Variants in GSTCD observed in about 807,000 individuals in gnomAD.
GSTCD encodes glutathione S-transferase C-terminal domain containing.
GSTCD carries 44 observed loss-of-function variants against 68.3 expected under a neutral mutation model. The ratio of observed to expected loss-of-function variants is 0.64; its 90% CI spans 0.51 to 0.83. The LOEUF (loss-of-function observed/expected upper bound fraction) is 0.83, where lower values mean the gene tolerates loss of function less well. GSTCD is among the 40% of genes least tolerant of loss of function. The pLI, the probability that GSTCD is intolerant of heterozygous loss-of-function variation, is 0.00. For synonymous variants in GSTCD, 273 were observed against 255.2 expected, an observed-to-expected ratio of 1.07 and a Z score of -0.67; for missense variants, 739 against 735.9, an observed-to-expected ratio of 1.00 and a Z score of -0.05.
intron 5 of GSTCD, among the ~76,000 whole-genome samples, chr4:105,798,842 A>G (rs1485594355): frequency 2.0e-5 from 3 of 152,208 alleles, no homozygotes; most frequent in African/African-American, 7.2e-5. Flanking sequence ...CTCCAGCTGT[A>G]TGAGTCCCTA....
intron 5 of GSTCD, among the ~76,000 whole-genome samples, chr4:105,814,695 G>A (rs6812579): frequency 0.029 from 4,412 of 152,162 alleles, 187 homozygotes; most frequent in African/African-American, 0.092. Context: ...AGACCTATGC[G>A]GATATCAATA....
Position 105,709,018 on chromosome 4 carries a change from T to TA in GSTCD, c.-22+5dup, listed in dbSNP as rs1266448149. On this transcript the variant is annotated splice_region_variant and intron_variant, in intron 1 of 11. Transcript: ENST00000515279. ...GCCTGGCCGCGCCTCTGCGACCAGG[T>TA]AAAGAGGGCGCTCGGGCCGCCGGCT... is the stretch of plus-strand genomic sequence containing the variant. 1 of 152,492 alleles carries TA rather than the reference T, an allele frequency of 6.6e-6. No individual in the cohort carries two copies. The highest frequency in any genetic ancestry group is 2.4e-5 in the African/African-American group (1 of 41,374). The allele number at this position is 152,492 out of a possible 1,614,324, so 9.4% of individuals were successfully genotyped here.
rs1724581086 is a variant in GSTCD at position 105,847,173 on chromosome 4, C to A, written c.*1596C>A. 6.6e-6 allele frequency: 1 copy of A among 152,010 alleles called. No homozygotes were observed. The highest frequency in any genetic ancestry group is 6.6e-5 in the Admixed American group (1 of 15,240). The allele number at this position is 152,010 out of a possible 1,614,324, so 9.4% of individuals were successfully genotyped here. ...GCTAATTCTTTAAATTTTACATGTC[C>A]CAATTTATTCCATTTGAGATTTATT... On this transcript the variant is annotated 3_prime_UTR_variant, in exon 12 of 12. Coordinates refer to ENST00000515279, the MANE Select transcript of GSTCD (RefSeq NM_001370181.1).
chr4:105,727,883 T>C (rs750492206), intron 4 of GSTCD, among the ~76,000 whole-genome samples: 3 of 152,204 alleles, frequency 2.0e-5, no homozygotes, highest in African/African-American at 4.8e-5. Flanking sequence ...AAGTAAGTTA[T>C]CCATCGAGTT....
intron 5 of GSTCD, among the ~76,000 whole-genome samples, chr4:105,741,440 T>A (rs1397573324): frequency 6.6e-6 from 1 of 152,234 alleles, no homozygotes; most frequent in Non-Finnish European, 1.5e-5. Context: ...TACACTTAAG[T>A]TGTAATATAG....
chr4:105,740,663 T>G (rs1733603841), intron 5 of GSTCD, among the ~76,000 whole-genome samples: 1 of 152,178 alleles, frequency 6.6e-6, no homozygotes, highest in Non-Finnish European at 1.5e-5. Context: ...TTACCTTTTA[T>G]CATCTTCCTT....
chr4:105,817,869 T>C (rs1458145353), intron 5 of GSTCD, among the ~76,000 whole-genome samples: 2 of 151,940 alleles, frequency 1.3e-5, no homozygotes, highest in Admixed American at 6.6e-5. Context: ...TTGACTTCTT[T>C]TACTGTTTTG....
At chr4:105,751,950 T>C (rs1057482399) in intron 5 of GSTCD, among the ~76,000 whole-genome samples, 3 of 152,230 alleles carry the variant, frequency 2.0e-5, no homozygotes, top group Non-Finnish European at 1.5e-5. Flanking sequence ...CCCGTGGGAC[T>C]ACTTTGCTGT....
chr4:105,827,324 T>A (rs1723685578), intron 8 of GSTCD, among the ~76,000 whole-genome samples: 1 of 152,198 alleles, frequency 6.6e-6, no homozygotes, highest in Admixed American at 6.5e-5. Context: ...GACTTATAGA[T>A]GCTAAATCAC....
intron 5 of GSTCD, among the ~76,000 whole-genome samples, chr4:105,743,521 G>T (rs1214652880): frequency 6.6e-6 from 1 of 151,688 alleles, no homozygotes; most frequent in Non-Finnish European, 1.5e-5. Context: ...AGATTTTTTA[G>T]TTTGAAGAAA....
intron 3 of GSTCD, among the ~76,000 whole-genome samples, chr4:105,720,565 T>G (rs1262652434): frequency 6.6e-6 from 1 of 152,216 alleles, no homozygotes; most frequent in African/African-American, 2.4e-5. Context: ...TTGAACCAAA[T>G]TTGGCAACCA....
intron 5 of GSTCD, chr4:105,761,984 C>G (rs1734428525): frequency 6.6e-6 from 1 of 152,180 alleles, no homozygotes; most frequent in South Asian, 2.1e-4. Flanking sequence ...CTCAACTCTC[C>G]CGAAGGGAGA....
intron 5 of GSTCD, among the ~76,000 whole-genome samples, chr4:105,766,893 T>TTTTTTTTTTTTTTTTTTTTTTTTC (rs1734634977): frequency 8.1e-6 from 1 of 124,020 alleles, no homozygotes; most frequent in African/African-American, 3.2e-5. Context: ...GACTCTTTTT[T>TTTTTTTTTTTTTTTTTTTTTTTTC]TTTTTTTTTT....
At chr4:105,802,498 G>T (rs1736143322) in intron 5 of GSTCD, among the ~76,000 whole-genome samples, 2 of 152,014 alleles carry the variant, frequency 1.3e-5, no homozygotes, top group Non-Finnish European at 2.9e-5. Flanking sequence ...ACCATACCAG[G>T]TGAGTTCTTT....
intron 3 of GSTCD, among the ~76,000 whole-genome samples, chr4:105,724,855 T>C (rs1384687443): frequency 1.3e-5 from 2 of 152,018 alleles, no homozygotes; most frequent in African/African-American, 2.4e-5. Flanking sequence ...TGCATAAGTA[T>C]ATATTAAGGA....
chr4:105,753,893 C>T (rs1734091835), intron 5 of GSTCD, among the ~76,000 whole-genome samples: 1 of 151,890 alleles, frequency 6.6e-6, no homozygotes, highest in African/African-American at 2.4e-5. Flanking sequence ...TTCCAGACTT[C>T]TTTTAAATAT....
Position 105,717,653 on chromosome 4 carries a change from C to G in GSTCD, c.40C>G (p.Leu14Val). The change falls in exon 2 of 12, where the codon CTG (leucine) becomes GTG (valine). Residue 14 changes from leucine to valine, a missense_variant. Coordinates refer to ENST00000515279, the MANE Select transcript of GSTCD (RefSeq NM_001370181.1). Reference protein sequence around the residue: ...IKKSLTEEEYLYLDFSHQTEG... With the variant: ...IKKSLTEEEYVYLDFSHQTEG... ...GAAAAGTCTTACAGAAGAAGAATACCTGTACCTGGACTTTTCTCACCAAAC... is the reference window on the plus strand; with the variant it reads ...GAAAAGTCTTACAGAAGAAGAATACGTGTACCTGGACTTTTCTCACCAAAC... 1.3e-6 allele frequency: 2 copies of G among 1,596,766 alleles called. No homozygotes were observed. Among genetic ancestry groups the G allele is most frequent in the Non-Finnish European group, 1.7e-6 (2 of 1,174,168 alleles).
chr4:105,834,475 T>C lies in GSTCD; in HGVS notation c.1545T>C (p.Ala515=), dbSNP rs776841290. Residue 515 remains alanine, a synonymous_variant, in exon 9 of 12, where the codon GCT becomes GCC. Transcript: ENST00000515279. ...TTATTTTGTAGGTAGCATTGCATGC[T>C]TGTGGAGTGGCAACAGACATGGTGA... The part of the protein sequence containing the change: ...GMFNIGVALH[A]CGVATDMVIE... The C allele has an allele frequency of 6.2e-7, 1 of 1,614,048 alleles. No homozygotes were observed. Among genetic ancestry groups the C allele is most frequent in the South Asian group, 1.1e-5 (1 of 91,044 alleles).
Position 105,729,469 on chromosome 4 carries a change from G to T in GSTCD, c.1210G>T (p.Val404Phe), listed in dbSNP as rs1191298312. 1 of 1,611,968 alleles carries T rather than the reference G, an allele frequency of 6.2e-7. No individual in the cohort carries two copies. Among genetic ancestry groups the T allele is most frequent in the Non-Finnish European group, 8.5e-7 (1 of 1,178,726 alleles). The change falls in exon 5 of 12, where the codon GTT (valine) becomes TTT (phenylalanine). Residue 404 changes from valine (V) to phenylalanine (F), a missense_variant. Val to Phe is a conservative substitution (Grantham distance 50). Transcript: ENST00000515279. Reference sequence around the variant, plus strand: ...CCCTACTTGGACTCTTGATTGGAATGTTCTCCCTGCAGCAGTCAGCCCAAA... The same window carrying T: ...CCCTACTTGGACTCTTGATTGGAATTTTCTCCCTGCAGCAGTCAGCCCAAA... The part of the protein sequence containing the change: ...PCPTWTLDWN[V>F]LPAAVSPKEG...
Sources: gnomAD v4.1 joint callset for allele counts (sites outside exome capture counted in the v4.1 genomes callset) on GRCh38, gnomAD v4.1.1 for gene constraint, MANE v1.5 for transcripts, NCBI Gene and HGNC (gene_info 2026-07-23, HGNC 2026-07-21) for gene names.